PLCB4: variants seen among roughly 807,000 people sequenced by gnomAD.
PLCB4 encodes phospholipase C beta 4.
A neutral mutation model predicts 178.8 loss-of-function variants in PLCB4; 77 were observed. The ratio of observed to expected loss-of-function variants is 0.43; its 90% CI spans 0.36 to 0.52. The LOEUF (loss-of-function observed/expected upper bound fraction) is 0.52, where lower values mean the gene tolerates loss of function less well. PLCB4 is among the 20% of genes least tolerant of loss of function. PLCB4 has a pLI of 0.00. For missense variants in PLCB4, 1,024 were observed against 1,453.4 expected (o/e 0.70, Z 4.80); for synonymous variants, 496 against 490.8 (o/e 1.01, Z -0.14).
intron 4 of PLCB4, among the ~76,000 whole-genome samples, chr20:9,327,219 G>A (rs2030753286): frequency 6.6e-6 from 1 of 152,080 alleles, no homozygotes; most frequent in Non-Finnish European, 1.5e-5. Flanking sequence ...CAGGAGGACT[G>A]CTTGAAGCCA....
intron 2 of PLCB4, among the ~76,000 whole-genome samples, chr20:9,122,900 C>A (rs1179808838): frequency 6.6e-6 from 1 of 152,074 alleles, no homozygotes; most frequent in African/African-American, 2.4e-5. Context: ...TGCAGTGGTT[C>A]AGTAAGGATG....
chr20:9,371,138 A>G (rs1288879877), intron 9 of PLCB4, 76 bp from the exon 10 acceptor site: 1 of 906,184 alleles, frequency 1.1e-6, no homozygotes, highest in Admixed American at 1.7e-5. Flanking sequence ...TCTCCATAGT[A>G]GGACCTGGAT....
intron 2 of PLCB4, among the ~76,000 whole-genome samples, chr20:9,119,523 A>AG (rs1181638449): frequency 6.6e-6 from 1 of 151,778 alleles, no homozygotes; most frequent in Non-Finnish European, 1.5e-5. Context: ...AAGGAGAAAA[A>AG]AAAAAAAAAC....
intron 2 of PLCB4, among the ~76,000 whole-genome samples, chr20:9,108,247 G>T (rs1187154664): frequency 1.3e-5 from 2 of 152,164 alleles, no homozygotes; most frequent in African/African-American, 2.4e-5. Context: ...GGAGTTGTGA[G>T]TCTGGATGAA....
At chr20:9,306,265 C>G (rs539673913) in intron 3 of PLCB4, among the ~76,000 whole-genome samples, 2 of 152,228 alleles carry the variant, frequency 1.3e-5, no homozygotes, top group African/African-American at 4.8e-5. Context: ...GCCATCACAT[C>G]CAGCTAATTT....
At chr20:9,326,016 A>T (rs1273778092) in intron 4 of PLCB4, among the ~76,000 whole-genome samples, 2 of 151,822 alleles carry the variant, frequency 1.3e-5, no homozygotes, top group Non-Finnish European at 2.9e-5. Context: ...GTGTCTTCAC[A>T]CGGTGGGTGA....
At chr20:9,181,032 T>G (rs2093237598) in intron 2 of PLCB4, among the ~76,000 whole-genome samples, 2 of 152,158 alleles carry the variant, frequency 1.3e-5, no homozygotes, top group Admixed American at 1.3e-4. Flanking sequence ...CTGATTGTAA[T>G]GCAGAGAAAG....
At chr20:9,298,533 G>A (rs541098677) in intron 3 of PLCB4, among the ~76,000 whole-genome samples, 73 of 152,114 alleles carry the variant, frequency 4.8e-4, no homozygotes, top group African/African-American at 1.7e-3. Flanking sequence ...GACATGTTTT[G>A]TAAAATCCTG....
intron 7 of PLCB4, among the ~76,000 whole-genome samples, chr20:9,340,641 A>AT (rs1306151957): frequency 6.6e-6 from 1 of 152,116 alleles, no homozygotes; most frequent in Non-Finnish European, 1.5e-5. Flanking sequence ...ACCAATTCAT[A>AT]TTACAAGAAA....
chr20:9,153,949 C>A (rs369883058), intron 2 of PLCB4, among the ~76,000 whole-genome samples: 2 of 152,068 alleles, frequency 1.3e-5, no homozygotes, highest in African/African-American at 4.8e-5. Flanking sequence ...AGTAATGACT[C>A]CTTTTCTGTA....
intron 2 of PLCB4, among the ~76,000 whole-genome samples, chr20:9,196,922 A>G (rs1009477395): frequency 6.6e-6 from 1 of 152,240 alleles, no homozygotes; most frequent in Non-Finnish European, 1.5e-5. Context: ...TCAATACAGT[A>G]TAGCGACAAA....
chr20:9,140,003 C>G (rs1215870500), intron 2 of PLCB4, among the ~76,000 whole-genome samples: 1 of 152,064 alleles, frequency 6.6e-6, no homozygotes, highest in Admixed American at 6.6e-5. Flanking sequence ...CTTGAGATAA[C>G]TTTTCTTTCC....
chr20:9,147,535 A>G (rs2092620037), intron 2 of PLCB4, among the ~76,000 whole-genome samples: 1 of 152,058 alleles, frequency 6.6e-6, no homozygotes, highest in South Asian at 2.1e-4. Flanking sequence ...TGGGTTGGGC[A>G]GGCAGCGCTG....
Position 9,212,838 on chromosome 20 carries a change from T to C in PLCB4, c.-78-4552T>C, listed in dbSNP as rs546273561. Among the ~76,000 whole-genome samples, 14 of 152,318 alleles carry C rather than the reference T, an allele frequency of 9.2e-5. No individual in the cohort carries two copies. The South Asian group carries it at 2.9e-3, about 32-fold the overall frequency. ...TCACTATGTGTATTATAGCCTTTTT[T>C]TAAAAGACTGCTTTCATGAAGTATA... On this transcript the variant is annotated intron_variant, in intron 2 of 39. Coordinates refer to ENST00000378473, the MANE Select transcript of PLCB4 (RefSeq NM_001377142.1).
At chr20:9,155,112 C>T (rs1412116877) in intron 2 of PLCB4, among the ~76,000 whole-genome samples, 1 of 151,270 alleles carries the variant, frequency 6.6e-6, no homozygotes, top group Non-Finnish European at 1.5e-5. Context: ...CCACCCTTCC[C>T]CTTCTGAGTC....
chr20:9,419,536 C>T (rs1348451781), intron 25 of PLCB4, among the ~76,000 whole-genome samples: 1 of 151,988 alleles, frequency 6.6e-6, no homozygotes, highest in South Asian at 2.1e-4. Flanking sequence ...TTATTTTATA[C>T]ATATAAAGAA....
chr20:9,479,021 C>G lies in PLCB4; in HGVS notation c.*12C>G. On this transcript the variant is annotated 3_prime_UTR_variant, in exon 40 of 40. Transcript: ENST00000378473. Reference sequence around the variant, plus strand: ...AAAATGCAAACTGAAGCAGCAAACCCACAAAGCATCAAAAGACTCACTCAC... The same window carrying G: ...AAAATGCAAACTGAAGCAGCAAACCGACAAAGCATCAAAAGACTCACTCAC... 6.3e-7 allele frequency: 1 copy of G among 1,589,418 alleles called. No homozygotes were observed. Among genetic ancestry groups the G allele is most frequent in the Non-Finnish European group, 8.6e-7 (1 of 1,158,340 alleles).
At chr20:9,177,270 G>A (rs776088611) in intron 2 of PLCB4, among the ~76,000 whole-genome samples, 6 of 152,170 alleles carry the variant, frequency 3.9e-5, no homozygotes, top group African/African-American at 7.2e-5. Flanking sequence ...TGAAATGCTG[G>A]AATTGCTGAA....
chr20:9,198,274 C>T (rs1239844601), intron 2 of PLCB4, among the ~76,000 whole-genome samples: 2 of 152,144 alleles, frequency 1.3e-5, no homozygotes, highest in African/African-American at 4.8e-5. Flanking sequence ...ACATTCCCCC[C>T]CTCTCAAAAC....
Sources: gnomAD v4.1 joint callset for allele counts (sites outside exome capture counted in the v4.1 genomes callset) on GRCh38, gnomAD v4.1.1 for gene constraint, MANE v1.5 for transcripts, NCBI Gene and HGNC (gene_info 2026-07-23, HGNC 2026-07-21) for gene names.